NLRC5: variants seen among roughly 807,000 people sequenced by gnomAD.
NLRC5 encodes protein NLRC5.
In NLRC5, 114 loss-of-function variants were observed where a neutral mutation model predicts 206.9. That is an observed-to-expected ratio of 0.55 (90% CI 0.47 to 0.64). NLRC5 has a LOEUF of 0.64. Among genes scored for constraint, NLRC5 ranks in the 30% least tolerant of loss-of-function variants. The pLI is 0.00. For missense variants in NLRC5, 2,008 were observed against 2,305.5 expected (o/e 0.87, Z 2.64); for synonymous variants, 952 against 962.8 (o/e 0.99, Z 0.21).
chr16:57,083,419 A>C lies in NLRC5; in HGVS notation c.*891A>C, dbSNP rs16965917. On this transcript the variant is annotated 3_prime_UTR_variant, in exon 49 of 49. Coordinates refer to ENST00000688547, the MANE Select transcript of NLRC5 (RefSeq NM_001384950.1). ...GTGGGATTCAGGTGAGTCTCCATGC[A>C]CTTCACATGTTACCCAGTGTTCTTG... 6.6e-6 allele frequency: 1 copy of C among 152,242 alleles called. No individual in the cohort carries two copies. The allele number at this position is 152,242 out of a possible 1,614,324, so 9.4% of individuals were successfully genotyped here. A position where few individuals can be genotyped will look rare whatever the true frequency, so the allele number is the denominator to read the frequency against.
At chr16:57,020,104 G>T (rs2052880) in intron 2 of NLRC5, among the ~76,000 whole-genome samples, 88,671 of 151,422 alleles carry the variant, frequency 0.59, 26,448 homozygotes, top group East Asian at 0.7. Context: ...ATTTTATGTC[G>T]CTCAAATGTA....
intron 23 of NLRC5, chr16:57,048,461 C>A (rs1295176761): frequency 2.0e-5 from 3 of 152,328 alleles, no homozygotes; most frequent in Non-Finnish European, 4.4e-5. Context: ...TCCGGTTTGA[C>A]CCCCTGGAGT....
chr16:57,048,537 T>TG (rs2064327016), intron 23 of NLRC5, among the ~76,000 whole-genome samples: 1 of 152,016 alleles, frequency 6.6e-6, no homozygotes, highest in Non-Finnish European at 1.5e-5. Flanking sequence ...AGACCTACAC[T>TG]ATTTTTTTTT....
At position 57,043,788 on chromosome 16, in the gene NLRC5, AT is replaced by A. The variant is rs772943785; in HGVS notation, c.3203+185del. Reference sequence around the variant, plus strand: ...AATGAATGAATGATCAAATGAATGAATAAGTATGGCCTCACGGATGCTCAAA... The same window carrying A: ...AATGAATGAATGATCAAATGAATGAAAAGTATGGCCTCACGGATGCTCAAA... On this transcript the variant is annotated intron_variant, in intron 20 of 48. Coordinates refer to ENST00000688547, the MANE Select transcript of NLRC5 (RefSeq NM_001384950.1). 298 of 629,186 alleles carry A rather than the reference AT, an allele frequency of 4.7e-4. 1 individual carries two copies. The highest frequency in any genetic ancestry group is 2.5e-3 in the Middle Eastern group (6 of 2,418). 39.0% of individuals were successfully genotyped at this position (629,186 alleles called of 1,614,324 possible).
chr16:57,070,691 T>A (rs1439416193), intron 38 of NLRC5, 73 bp downstream of exon 38: 2 of 1,310,776 alleles, frequency 1.5e-6, no homozygotes, highest in East Asian at 4.6e-5. Flanking sequence ...GGGTGAGTGG[T>A]GGGGTTGGTT....
At chr16:57,054,658 G>A in intron 24 of NLRC5, 93 bp from the exon 25 acceptor site, 1 of 871,264 alleles carries the variant, frequency 1.1e-6, no homozygotes, top group Non-Finnish European at 2.0e-6. Flanking sequence ...TTGCTGAGCT[G>A]CTAGCCCTCC....
chr16:57,029,701 G>A (rs2061595421), intron 8 of NLRC5, 72 bp from the exon 9 acceptor site: 1 of 1,315,304 alleles, frequency 7.6e-7, no homozygotes, highest in Non-Finnish European at 1.1e-6. Flanking sequence ...TGGCCATCCT[G>A]TCACTTGCTA....
Position 57,029,850 on chromosome 16 carries a change from A to G in NLRC5, c.2321A>G (p.Lys774Arg), listed in dbSNP as rs774056624. ...CTCCCTCACCTACCACGGCTCCGGAAGCTTGAGTAAGTGATCTTTCCACTG... is the reference window on the plus strand; with the variant it reads ...CTCCCTCACCTACCACGGCTCCGGAGGCTTGAGTAAGTGATCTTTCCACTG... ...EVLPHLPRLRKLDLSSNSICV... is the reference protein window; with the variant it reads ...EVLPHLPRLRRLDLSSNSICV... The change falls in exon 9 of 49, where the codon AAG becomes AGG. Residue 774 changes from lysine to arginine, a missense_variant. Transcript: ENST00000688547. The G allele has an allele frequency of 1.2e-6, 2 of 1,613,988 alleles. No individual in the cohort carries two copies. Among genetic ancestry groups the G allele is most frequent in the Admixed American group, 3.3e-5 (2 of 60,026 alleles).
chr16:57,078,997 G>T, intron 43 of NLRC5, 53 bp from the exon 44 acceptor site: 1 of 1,516,438 alleles, frequency 6.6e-7, no homozygotes, highest in Non-Finnish European at 9.1e-7. Context: ...TGAGGGTGGG[G>T]CTCTGGAAAC....
chr16:57,065,629 A>G (rs565102112), intron 33 of NLRC5, among the ~76,000 whole-genome samples: 2 of 152,346 alleles, frequency 1.3e-5, no homozygotes, highest in South Asian at 4.1e-4. Flanking sequence ...TTCAACCAGA[A>G]ATAACACAAT....
intron 23 of NLRC5, among the ~76,000 whole-genome samples, chr16:57,049,994 A>G (rs2064640383): frequency 6.6e-6 from 1 of 151,658 alleles, no homozygotes; most frequent in African/African-American, 2.4e-5. Context: ...GGGAAGATAG[A>G]TTGTGGGGCT....
Position 57,082,436 on chromosome 16 carries a change from C to G in NLRC5, c.5509C>G (p.Pro1837Ala), listed in dbSNP as rs759647188. ...CCACAGCCTCTGGAATAACCCCATT[C>G]CCTGCGACATGGCCCAGCACCTGAA... ...QVIRLWNNPI[P>A]CDMAQHLKSQ... is the part of the protein sequence containing the mutation. The change falls in exon 49 of 49, where the codon CCC becomes GCC. Residue 1837 changes from proline (P) to alanine (A), a missense_variant. By Grantham distance (27) the Pro-to-Ala change is conservative. Transcript: ENST00000688547. 17 of 1,613,170 alleles carry G rather than the reference C, an allele frequency of 1.1e-5. No individual in the cohort carries two copies. The highest frequency in any genetic ancestry group is 1.4e-5 in the Non-Finnish European group (17 of 1,179,496).
intron 1 of NLRC5, chr16:57,013,357 AAAGTCAGTAAACATTCCAAGTT>A (rs1189715329): frequency 2.2e-5 from 14 of 634,102 alleles, no homozygotes; most frequent in Non-Finnish European, 3.8e-5. Flanking sequence ...TACTTCCTTC[AAAGTCAGTAAACATTCCAAGTT>A]ACTAAGCTGT....
Position 57,070,627 on chromosome 16 carries a change from T to A in NLRC5, c.4667+9T>A. On this transcript the variant is annotated intron_variant, in intron 38 of 48. Transcript: ENST00000688547. ...ATGCTAAAGAGGCTGGAGTAAGTAG[T>A]GATGGTGGTTGTGGGTGAGTGAGTG... 6.2e-7 allele frequency: 1 copy of A among 1,612,428 alleles called. No homozygotes were observed. Among genetic ancestry groups the A allele is most frequent in the Non-Finnish European group, 8.5e-7 (1 of 1,178,734 alleles).
chr16:57,054,803 T>C lies in NLRC5; in HGVS notation c.3559T>C (p.Leu1187=). 1 of 1,614,162 alleles carries C rather than the reference T, an allele frequency of 6.2e-7. No individual in the cohort carries two copies. Among genetic ancestry groups the C allele is most frequent in the Non-Finnish European group, 8.5e-7 (1 of 1,180,018 alleles). The stretch of plus-strand genomic sequence containing the variant: ...AAGCCCCTTCCTGCTGGCCAACACC[T>C]TAAGCCTGTGTCCACGGGTTAAAAA... ...PKSPFLLANT[L]SLCPRVKKVD... Residue 1187 remains leucine (L), a synonymous_variant, in exon 25 of 49, where the codon TTA becomes CTA. Transcript: ENST00000688547.
chr16:57,067,391 G>A lies in NLRC5; in HGVS notation c.4327G>A (p.Ala1443Thr), dbSNP rs781426948. 3.1e-6 allele frequency: 5 copies of A among 1,614,018 alleles called. No homozygotes were observed. In the South Asian group the frequency reaches 3.3e-5, roughly 11 times the overall value. ...ENPEAVALRL[A>T]HCDLGAHHSL... Reference sequence around the variant, plus strand: ...CGTCTCCCTGTCTGTGTCCAGGTTGGCTCACTGTGACCTTGGAGCCCACCA... The same window carrying A: ...CGTCTCCCTGTCTGTGTCCAGGTTGACTCACTGTGACCTTGGAGCCCACCA... The change falls in exon 35 of 49, where the codon GCT (alanine) becomes ACT (threonine). Residue 1443 changes from alanine (A) to threonine (T), a missense_variant. Physicochemically the swap from Ala to Thr is moderately conservative, Grantham distance 58. Transcript: ENST00000688547.
chr16:57,050,269 G>C (rs1239428791), intron 23 of NLRC5, among the ~76,000 whole-genome samples: 1 of 152,208 alleles, frequency 6.6e-6, no homozygotes, highest in Non-Finnish European at 1.5e-5. Context: ...CCCAGTCCCT[G>C]GGGCAGAAAG....
chr16:57,040,541 G>C, intron 16 of NLRC5, 109 bp from the exon 17 acceptor site: 3 of 1,052,966 alleles, frequency 2.8e-6, no homozygotes, highest in Non-Finnish European at 4.4e-6. Context: ...AGGTCTGATT[G>C]ACTCTAGGTG....
intron 44 of NLRC5, 43 bp from the exon 45 acceptor site, chr16:57,079,178 G>A (rs772199042): frequency 1.6e-5 from 26 of 1,613,672 alleles, no homozygotes; most frequent in Middle Eastern, 3.3e-4. Context: ...AGTCCTGGGC[G>A]GGTCTGGGGG....
Sources: allele counts gnomAD v4.1 joint callset (sites outside exome capture counted in the v4.1 genomes callset), GRCh38; gene constraint gnomAD v4.1.1; transcripts MANE v1.5; gene names NCBI Gene and HGNC (gene_info 2026-07-23, HGNC 2026-07-21).